Variants in CAMK1D observed in about 807,000 individuals in gnomAD.
CAMK1D encodes calcium/calmodulin dependent protein kinase ID.
Under a neutral mutation model 47.7 loss-of-function variants are expected in CAMK1D, and 9 were observed. That is an observed-to-expected ratio of 0.19 (90% CI 0.11 to 0.33). The LOEUF (loss-of-function observed/expected upper bound fraction) is 0.33. CAMK1D is among the 10% of genes least tolerant of loss of function. CAMK1D has a pLI of 1.00. For synonymous variants in CAMK1D, 184 were observed against 184.9 expected, an observed-to-expected ratio of 0.99 and a Z score of 0.04; for missense variants, 291 against 488.7, an observed-to-expected ratio of 0.60 and a Z score of 3.81.
chr10:12,703,595 G>A (rs150643855), intron 3 of CAMK1D, among the ~76,000 whole-genome samples: 3,238 of 152,276 alleles, frequency 0.021, 108 homozygotes, highest in African/African-American at 0.073. Context: ...TGGGCCGGGC[G>A]CGGTGGCTCA....
At chr10:12,468,326 T>C (rs1332034840) in intron 1 of CAMK1D, among the ~76,000 whole-genome samples, 1 of 152,242 alleles carries the variant, frequency 6.6e-6, no homozygotes, top group Non-Finnish European at 1.5e-5. Flanking sequence ...CTTCCCAAAG[T>C]TCTGGCATTA....
intron 2 of CAMK1D, among the ~76,000 whole-genome samples, chr10:12,658,022 T>C (rs941061517): frequency 6.6e-5 from 10 of 152,202 alleles, no homozygotes; most frequent in South Asian, 2.1e-4. Context: ...TGGTGGCACG[T>C]ACCTGTAGTC....
intron 1 of CAMK1D, among the ~76,000 whole-genome samples, chr10:12,449,223 G>A (rs148293060): frequency 1.3e-5 from 2 of 152,242 alleles, no homozygotes; most frequent in African/African-American, 4.8e-5. Flanking sequence ...TCATTGAAGT[G>A]TGGCTTGTCT....
intron 2 of CAMK1D, among the ~76,000 whole-genome samples, chr10:12,562,906 A>G (rs947072565): frequency 1.3e-5 from 2 of 152,252 alleles, no homozygotes; most frequent in African/African-American, 4.8e-5. Context: ...GGTGCTGATT[A>G]GGCAAAGAAG....
chr10:12,624,264 G>C (rs118088608), intron 2 of CAMK1D, among the ~76,000 whole-genome samples: 1,761 of 151,906 alleles, frequency 0.012, 20 homozygotes, highest in Middle Eastern at 0.021. Context: ...GTAAGAACCT[G>C]TAATAGATCT....
At chr10:12,596,081 G>T (rs1838138919) in intron 2 of CAMK1D, among the ~76,000 whole-genome samples, 1 of 152,056 alleles carries the variant, frequency 6.6e-6, no homozygotes, top group South Asian at 2.1e-4. Context: ...GAGCTCTTCA[G>T]TCCTAAAAAG....
chr10:12,609,047 A>G (rs1023699527), intron 2 of CAMK1D, among the ~76,000 whole-genome samples: 5 of 152,248 alleles, frequency 3.3e-5, no homozygotes, highest in Non-Finnish European at 7.3e-5. Context: ...CTTGCCTTCC[A>G]GGTTCTGGTC....
At chr10:12,477,639 G>A (rs1833940423) in intron 1 of CAMK1D, among the ~76,000 whole-genome samples, 1 of 152,180 alleles carries the variant, frequency 6.6e-6, no homozygotes, top group South Asian at 2.1e-4. Context: ...AGTCACATGG[G>A]CCAGGGAAGT....
intron 1 of CAMK1D, among the ~76,000 whole-genome samples, chr10:12,372,226 C>T (rs1246577246): frequency 6.6e-6 from 1 of 152,058 alleles, no homozygotes; most frequent in African/African-American, 2.4e-5. Flanking sequence ...CAGAACATAC[C>T]CGAGACTGTT....
At chr10:12,660,433 G>A (rs75199240) in intron 2 of CAMK1D, among the ~76,000 whole-genome samples, 3,063 of 152,266 alleles carry the variant, frequency 0.02, 57 homozygotes, top group South Asian at 0.11. Flanking sequence ...AAGCTTGGGG[G>A]CTTTGTAACG....
At chr10:12,497,225 T>A (rs1834566719) in intron 1 of CAMK1D, among the ~76,000 whole-genome samples, 1 of 152,140 alleles carries the variant, frequency 6.6e-6, no homozygotes, top group African/African-American at 2.4e-5. Flanking sequence ...ATGCCTGTAA[T>A]CTCAGCACTT....
chr10:12,513,001 T>G (rs1171728883), intron 1 of CAMK1D, among the ~76,000 whole-genome samples: 1 of 152,130 alleles, frequency 6.6e-6, no homozygotes, highest in African/African-American at 2.4e-5. Flanking sequence ...GGGGATGGTG[T>G]TGTCTTTCCC....
At chr10:12,542,087 C>T (rs376886236) in intron 1 of CAMK1D, among the ~76,000 whole-genome samples, 114 of 151,648 alleles carry the variant, frequency 7.5e-4, no homozygotes, top group Middle Eastern at 3.4e-3. Flanking sequence ...CCTTTTTGGC[C>T]AGGCTGGTCT....
chr10:12,746,155 G>A (rs1233610603), intron 3 of CAMK1D, among the ~76,000 whole-genome samples: 4 of 145,306 alleles, frequency 2.8e-5, no homozygotes, highest in Admixed American at 1.3e-4. Flanking sequence ...GCATGGTCAG[G>A]AGGTGGAGAT....
chr10:12,543,136 T>C (rs1231552560), intron 1 of CAMK1D, among the ~76,000 whole-genome samples: 1 of 152,026 alleles, frequency 6.6e-6, no homozygotes, highest in Non-Finnish European at 1.5e-5. Context: ...CAACCTCCAC[T>C]TCCTGGGTTC....
intron 1 of CAMK1D, among the ~76,000 whole-genome samples, chr10:12,504,129 CTGTG>C (rs375226417): frequency 4.3e-4 from 63 of 146,514 alleles, no homozygotes; most frequent in African/African-American, 4.8e-4. Context: ...GTGTGTGTGT[CTGTG>C]TGTGTGTGTG....
chr10:12,761,904 A>ATAAT (rs1226065555), intron 4 of CAMK1D, among the ~76,000 whole-genome samples: 2 of 152,254 alleles, frequency 1.3e-5, no homozygotes, highest in Admixed American at 1.3e-4. Context: ...AAATAAATAA[A>ATAAT]AATAGTGTCT....
intron 1 of CAMK1D, among the ~76,000 whole-genome samples, chr10:12,402,635 G>T (rs1208183725): frequency 6.6e-6 from 1 of 152,184 alleles, no homozygotes; most frequent in Non-Finnish European, 1.5e-5. Flanking sequence ...TGGCGTTAGG[G>T]ATTCCAGTTA....
At chr10:12,515,418 C>CTTTTTTTTTTTTTTTTTTT in intron 1 of CAMK1D, among the ~76,000 whole-genome samples, 1 of 99,010 alleles carries the variant, frequency 1.0e-5, no homozygotes, top group Non-Finnish European at 2.0e-5. Flanking sequence ...TTTTTTTTTT[C>CTTTTTTTTTTTTTTTTTTT]TTTTTTTTTT....
Sources: allele counts gnomAD v4.1 joint callset (sites outside exome capture counted in the v4.1 genomes callset), GRCh38; gene constraint gnomAD v4.1.1; transcripts MANE v1.5; gene names NCBI Gene and HGNC (gene_info 2026-07-23, HGNC 2026-07-21).